The following RBFOX1 variants were observed in gnomAD, a reference collection of about 807,000 sequenced individuals.
RBFOX1 encodes RNA binding fox-1 homolog 1, also known as RNA binding protein fox-1 homolog 1.
RBFOX1 carries 8 observed loss-of-function variants against 57.7 expected under a neutral mutation model. The ratio of observed to expected loss-of-function variants is 0.14; its 90% CI spans 0.08 to 0.25. RBFOX1 has a LOEUF of 0.25. RBFOX1 is among the 10% of genes least tolerant of loss of function. The pLI, the probability that RBFOX1 is intolerant of heterozygous loss-of-function variation, is 1.00. For synonymous variants in RBFOX1, 326 were observed against 222.4 expected (o/e 1.47, Z -4.15); for missense variants, 611 against 548.5 (o/e 1.11, Z -1.14).
intron 3 of RBFOX1, among the ~76,000 whole-genome samples, chr16:5,738,623 G>T (rs1387827572): frequency 2.5e-5 from 3 of 119,642 alleles, no homozygotes; most frequent in African/African-American, 9.0e-5. Context: ...GACAGAGCAA[G>T]GCTCTGTCTC....
At chr16:7,177,298 A>C (rs541419853) in intron 4 of RBFOX1, among the ~76,000 whole-genome samples, 33 of 152,292 alleles carry the variant, frequency 2.2e-4, no homozygotes, top group African/African-American at 7.7e-4. Context: ...TCTACAAGCA[A>C]ACAAACAAAA....
chr16:7,174,967 C>T (rs929065794), intron 4 of RBFOX1, among the ~76,000 whole-genome samples: 8 of 152,284 alleles, frequency 5.3e-5, no homozygotes, highest in African/African-American at 1.7e-4. Context: ...ATCTCATCAT[C>T]ATGGCTTTAA....
rs1176876117 is a variant in RBFOX1 at position 5,823,725 on chromosome 16, A to C, written c.319-43578A>C. 3.3e-5 allele frequency among the ~76,000 whole-genome samples: 5 copies of C among 152,180 alleles called. No homozygotes were observed. In the South Asian group the frequency reaches 1.0e-3, roughly 32 times the overall value. ...TGCACATGTGAGGGATCTAGGTTGC[A>C]TGCTCCTTATGAGAATTTAATGCCC... On this transcript the variant is annotated intron_variant, in intron 3 of 19. Transcript: ENST00000641259.
intron 2 of RBFOX1, among the ~76,000 whole-genome samples, chr16:5,517,961 T>TGA (rs1453827990): frequency 1.3e-5 from 2 of 151,918 alleles, no homozygotes; most frequent in African/African-American, 4.8e-5. Flanking sequence ...TGTGTGTGTG[T>TGA]GTAGTGGCTT....
chr16:7,500,000 C>G (rs2070157070), intron 4 of RBFOX1, among the ~76,000 whole-genome samples: 2 of 152,114 alleles, frequency 1.3e-5, no homozygotes. Flanking sequence ...TTGAGTACAC[C>G]TTGACATCAT....
At chr16:7,587,611 TA>T (rs2094199623) in intron 7 of RBFOX1, among the ~76,000 whole-genome samples, 1 of 152,210 alleles carries the variant, frequency 6.6e-6, no homozygotes, top group African/African-American at 2.4e-5. Flanking sequence ...TTCTTTATAT[TA>T]AAAAGTGAGT....
chr16:7,652,132 T>G (rs773491235), intron 11 of RBFOX1, among the ~76,000 whole-genome samples: 6 of 152,016 alleles, frequency 3.9e-5, no homozygotes, highest in Non-Finnish European at 8.8e-5. Flanking sequence ...GCCTGCTACT[T>G]AGTGAGATGG....
chr16:6,082,295 C>T (rs1200560287), intron 1 of RBFOX1, among the ~76,000 whole-genome samples: 1 of 148,648 alleles, frequency 6.7e-6, no homozygotes, highest in Non-Finnish European at 1.5e-5. Flanking sequence ...ATTCTCCTGC[C>T]TCAGCCTCCC....
intron 4 of RBFOX1, among the ~76,000 whole-genome samples, chr16:7,244,018 A>G (rs578077396): frequency 3.9e-5 from 6 of 152,166 alleles, no homozygotes; most frequent in Non-Finnish European, 8.8e-5. Context: ...TAGCTTTTAA[A>G]TCAATATCTC....
chr16:6,488,338 C>G (rs563021524), intron 2 of RBFOX1, among the ~76,000 whole-genome samples: 8 of 152,252 alleles, frequency 5.3e-5, no homozygotes, highest in African/African-American at 1.7e-4. Flanking sequence ...AAGTACAGGT[C>G]TTCCATTTGT....
At chr16:6,718,814 C>T (rs1326875632) in intron 3 of RBFOX1, among the ~76,000 whole-genome samples, 2 of 152,124 alleles carry the variant, frequency 1.3e-5, no homozygotes, top group African/African-American at 2.4e-5. Context: ...AACACACTGG[C>T]AGAAGAGATG....
chr16:7,577,384 A>G (rs1379324195), intron 5 of RBFOX1, among the ~76,000 whole-genome samples: 5 of 152,092 alleles, frequency 3.3e-5, no homozygotes, highest in South Asian at 2.1e-4. Context: ...GCTGGAGTCC[A>G]CACATACTCT....
chr16:5,878,782 C>A (rs981936032), intron 4 of RBFOX1, among the ~76,000 whole-genome samples: 2 of 151,990 alleles, frequency 1.3e-5, no homozygotes, highest in Non-Finnish European at 2.9e-5. Flanking sequence ...GTGTTTAGAT[C>A]GTTTCTGGTA....
intron 1 of RBFOX1, among the ~76,000 whole-genome samples, chr16:6,191,778 T>C (rs1375685801): frequency 6.6e-6 from 1 of 152,150 alleles, no homozygotes; most frequent in Non-Finnish European, 1.5e-5. Flanking sequence ...GAAAATCTTA[T>C]GGAAGTTCAC....
Position 7,366,038 on chromosome 16 carries a change from T to C in RBFOX1, c.28-152109T>C, listed in dbSNP as rs74010667. ...CTGTGTCAGAAACTCCCAGGGAAGG[T>C]TTTGATTGGCCTGGCGGAGGTCCAG... On this transcript the variant is annotated intron_variant, in intron 4 of 15. Transcript: ENST00000550418. Among the ~76,000 whole-genome samples the C allele has an allele frequency of 3.6e-3, 552 of 152,218 alleles. 7 individuals carry two copies. The highest frequency in any genetic ancestry group is 0.012 in the African/African-American group (517 of 41,514).
At chr16:6,688,023 C>T (rs1321817008) in intron 3 of RBFOX1, among the ~76,000 whole-genome samples, 1 of 152,148 alleles carries the variant, frequency 6.6e-6, no homozygotes, top group Admixed American at 6.5e-5. Context: ...TGCTATGCAC[C>T]TCACCTGTTG....
At chr16:5,826,798 T>C (rs2056071621) in intron 3 of RBFOX1, among the ~76,000 whole-genome samples, 1 of 152,222 alleles carries the variant, frequency 6.6e-6, no homozygotes, top group East Asian at 1.9e-4. Context: ...CCAAATATAT[T>C]ATTTATTCAT....
chr16:6,105,131 C>G (rs1323630270), intron 1 of RBFOX1, among the ~76,000 whole-genome samples: 2 of 152,200 alleles, frequency 1.3e-5, no homozygotes, highest in African/African-American at 4.8e-5. Flanking sequence ...CATCTTACAG[C>G]TCATCATTCC....
intron 4 of RBFOX1, among the ~76,000 whole-genome samples, chr16:7,301,694 A>T (rs2142021506): frequency 6.6e-6 from 1 of 152,302 alleles, no homozygotes. Context: ...TGAAGGAAAA[A>T]ATTCTCTCCT....
Sources: gnomAD v4.1 joint callset for allele counts (sites outside exome capture counted in the v4.1 genomes callset) on GRCh38, gnomAD v4.1.1 for gene constraint, MANE v1.5 for transcripts, NCBI Gene and HGNC (gene_info 2026-07-23, HGNC 2026-07-21) for gene names.